Variants in ASMT observed in about 807,000 individuals in gnomAD.
ASMT encodes acetylserotonin N-methyltransferase.
In ASMT, 53 loss-of-function variants were observed where a neutral mutation model predicts 41.3. The ratio of observed to expected loss-of-function variants is 1.28; its 90% CI spans 1.03 to 1.61. ASMT has a LOEUF of 1.61. Ranked by LOEUF, ASMT falls within the 40% of genes most tolerant of loss-of-function variation. ASMT has a pLI of 0.00. For missense variants in ASMT, 531 were observed against 441.3 expected, an observed-to-expected ratio of 1.20 and a Z score of -1.82; for synonymous variants, 231 against 184.8, an observed-to-expected ratio of 1.25 and a Z score of -2.03.
chrX:1,629,030 C>CCCT (rs1384606617), intron 4 of ASMT, among the ~76,000 whole-genome samples: 1 of 150,466 alleles, frequency 6.6e-6, no homozygotes, highest in Non-Finnish European at 1.5e-5. Flanking sequence ...TTCCTTCCCT[C>CCCT]CCTCCCTCCT....
At chrX:1,636,854 C>T (rs1159299858) in intron 8 of ASMT, among the ~76,000 whole-genome samples, 9 of 152,240 alleles carry the variant, frequency 5.9e-5, no homozygotes, top group African/African-American at 9.6e-5. Flanking sequence ...GAGGACAGTG[C>T]CCCACTGACT....
At chrX:1,630,392 G>A (rs1325404929) in intron 5 of ASMT, among the ~76,000 whole-genome samples, 2 of 139,664 alleles carry the variant, frequency 1.4e-5, no homozygotes, top group Non-Finnish European at 1.5e-5. Context: ...CGCAACCTCC[G>A]CCTCCTGGGT....
intron 7 of ASMT, 45 bp from the exon 8 acceptor site, chrX:1,636,393 G>A (rs369290860): frequency 3.2e-4 from 511 of 1,613,788 alleles, no homozygotes; most frequent in Non-Finnish European, 4.2e-4. Context: ...AGTCAAATGG[G>A]ATTGGATTGC....
chrX:1,617,500 G>T (rs1413146400), intron 1 of ASMT, among the ~76,000 whole-genome samples: 39 of 152,012 alleles, frequency 2.6e-4, no homozygotes, highest in African/African-American at 9.2e-4. Context: ...CAGCATCATC[G>T]TGAAAGGGGG....
At chrX:1,618,933 G>C (rs1934235406) in intron 1 of ASMT, among the ~76,000 whole-genome samples, 1 of 152,208 alleles carries the variant, frequency 6.6e-6, no homozygotes, top group Admixed American at 6.6e-5. Context: ...GTCACTTTAA[G>C]GCACATGATA....
rs756532091 is a variant in ASMT at position 1,636,479 on chromosome X, A to C, written c.829A>C (p.Ile277Leu). 8 of 1,613,774 alleles carry C rather than the reference A, an allele frequency of 5.0e-6. No homozygotes were observed. Among genetic ancestry groups the C allele is most frequent in the Non-Finnish European group, 6.8e-6 (8 of 1,179,864 alleles). ...KDPLPEADLY[I>L]LARVLHDWAD... ...CCCTCTTCCGGAAGCTGATCTGTAC[A>C]TCCTGGCCAGGGTCCTCCATGACTG... is the stretch of plus-strand genomic sequence containing the variant. The change falls in exon 8 of 9, where the codon ATC becomes CTC. Residue 277 changes from isoleucine to leucine, a missense_variant. By Grantham distance (5) the Ile-to-Leu change is conservative (BLOSUM62 2). Coordinates refer to ENST00000381241, the MANE Select transcript of ASMT (RefSeq NM_001171038.2).
At chrX:1,635,141 A>T (rs1304010466) in intron 7 of ASMT, among the ~76,000 whole-genome samples, 3 of 134,330 alleles carry the variant, frequency 2.2e-5, no homozygotes, top group Non-Finnish European at 4.7e-5. Context: ...CGCCCAGCTA[A>T]TTTTTTTTTT....
At chrX:1,629,183 A>T (rs1283263912) in intron 4 of ASMT, among the ~76,000 whole-genome samples, 2 of 152,036 alleles carry the variant, frequency 1.3e-5, no homozygotes, top group African/African-American at 2.4e-5. Context: ...TACATGTTGC[A>T]CCTTGCAGCC....
intron 3 of ASMT, among the ~76,000 whole-genome samples, chrX:1,625,990 A>G (rs1934536394): frequency 6.7e-6 from 1 of 149,744 alleles, no homozygotes; most frequent in Admixed American, 6.7e-5. Flanking sequence ...TGTCTGGGTT[A>G]ACATAGGGGG....
intron 5 of ASMT, among the ~76,000 whole-genome samples, chrX:1,630,430 C>T (rs1359985068): frequency 1.9e-4 from 29 of 151,834 alleles, no homozygotes; most frequent in Admixed American, 1.6e-3. Flanking sequence ...CCCAGCCTCC[C>T]GAGTAGGTGG....
rs371641659 is a variant in ASMT at position 1,634,438 on chromosome X, A to T, written c.787+1148A>T. 2.8e-4 allele frequency among the ~76,000 whole-genome samples: 43 copies of T among 152,274 alleles called. No homozygotes were observed. The East Asian group carries it at 8.1e-3, about 29-fold the overall frequency. On this transcript the variant is annotated intron_variant, in intron 7 of 8. Coordinates refer to ENST00000381241, the MANE Select transcript of ASMT (RefSeq NM_001171038.2). Reference sequence around the variant, plus strand: ...TACATAGACATGGCAGACACCCTGCATGGCTGACTCCAATCTTCACCTCTT... The same window carrying T: ...TACATAGACATGGCAGACACCCTGCTTGGCTGACTCCAATCTTCACCTCTT...
At chrX:1,619,733 G>A (rs183481275) in intron 1 of ASMT, among the ~76,000 whole-genome samples, 97 of 151,714 alleles carry the variant, frequency 6.4e-4, no homozygotes, top group African/African-American at 2.2e-3. Flanking sequence ...ACAATTAATT[G>A]AGACAACCCC....
In ASMT at chrX:1,628,942, CTTTCTTTCTTTCCT is replaced by C. The variant is rs1415574450; in HGVS notation, c.444-877_444-864del. Among the ~76,000 whole-genome samples, 151 of 144,956 alleles carry C rather than the reference CTTTCTTTCTTTCCT, an allele frequency of 1.0e-3. 1 individual carries two copies. The highest frequency in any genetic ancestry group is 1.9e-3 in the Non-Finnish European group (128 of 66,810). Reference sequence around the variant, plus strand: ...CGTTTCTCTCTTTCTTTCTCTCTCTCTTTCTTTCTTTCCTTCTTTCTTTCCTTCTTTCTCCTTCC... The same window carrying C: ...CGTTTCTCTCTTTCTTTCTCTCTCTCTCTTTCTTTCCTTCTTTCTCCTTCC... On this transcript the variant is annotated intron_variant, in intron 4 of 8. Coordinates refer to ENST00000381241, the MANE Select transcript of ASMT (RefSeq NM_001171038.2).
intron 8 of ASMT, among the ~76,000 whole-genome samples, chrX:1,636,871 G>A (rs1406055205): frequency 1.3e-5 from 2 of 152,228 alleles, no homozygotes. Context: ...GACTTCTGAG[G>A]TCCACCCATC....
intron 5 of ASMT, among the ~76,000 whole-genome samples, chrX:1,632,369 C>T (rs1329813983): frequency 2.6e-5 from 4 of 151,528 alleles, no homozygotes; most frequent in South Asian, 4.2e-4. Context: ...AGGATGAGTT[C>T]GGCCGGGCGC....
chrX:1,634,828 G>T (rs1934898948), intron 7 of ASMT, among the ~76,000 whole-genome samples: 1 of 151,828 alleles, frequency 6.6e-6, no homozygotes, highest in Non-Finnish European at 1.5e-5. Context: ...ACCATGCCTG[G>T]CTAATTTTTT....
At chrX:1,625,246 A>G (rs1356840377) in intron 3 of ASMT, among the ~76,000 whole-genome samples, 1 of 151,508 alleles carries the variant, frequency 6.6e-6, no homozygotes, top group Non-Finnish European at 1.5e-5. Context: ...CTGGGACTAC[A>G]GGAACCCGCC....
rs191869809 is a variant in ASMT at position 1,624,058 on chromosome X, C to G, written c.245-211C>G. On this transcript the variant is annotated intron_variant, in intron 2 of 8. Coordinates refer to ENST00000381241, the MANE Select transcript of ASMT (RefSeq NM_001171038.2). ...ACTCCCGATGGGGATTTGTACAAAC[C>G]GAACCCGACGGGGGTGCTAGCCGCC... 1.8e-3 allele frequency among the ~76,000 whole-genome samples: 271 copies of G among 152,126 alleles called. 1 individual carries two copies. The highest frequency in any genetic ancestry group is 6.3e-3 in the African/African-American group (261 of 41,542).
intron 7 of ASMT, among the ~76,000 whole-genome samples, chrX:1,635,018 A>T (rs1440423562): frequency 1.5e-5 from 2 of 129,080 alleles, no homozygotes; most frequent in African/African-American, 3.1e-5. Context: ...TCTGTCACCC[A>T]GGCTGGAGTG....
Sources: gnomAD v4.1 joint callset for allele counts (sites outside exome capture counted in the v4.1 genomes callset) on GRCh38, gnomAD v4.1.1 for gene constraint, MANE v1.5 for transcripts, NCBI Gene and HGNC (gene_info 2026-07-23, HGNC 2026-07-21) for gene names.